Variants in STK10 observed in about 807,000 individuals in gnomAD.
The protein encoded by STK10 is serine/threonine kinase 10.
Under a neutral mutation model 113.8 loss-of-function variants are expected in STK10, and 78 were observed. That is an observed-to-expected ratio of 0.69 (90% CI 0.57 to 0.83). The LOEUF is 0.83. Ranked by LOEUF, STK10 falls within the 40% of genes least tolerant of loss-of-function variation. The pLI is 0.00. For missense variants in STK10, 1,109 were observed against 1,280.1 expected, an observed-to-expected ratio of 0.87 and a Z score of 2.04; for synonymous variants, 465 against 494.7, an observed-to-expected ratio of 0.94 and a Z score of 0.80.
rs114594377 is a variant in STK10 at position 172,120,102 on chromosome 5, G to A, written c.371-2472C>T. On this transcript the variant is annotated intron_variant, in intron 3 of 18. Coordinates refer to ENST00000176763, the MANE Select transcript of STK10 (RefSeq NM_005990.4). The surrounding 1 kb of genome is among the most constrained non-coding windows in gnomAD (Gnocchi z 4.0). ...CCAAGGTGACAGCCTTGTGCTCTGCGTCCCACAGGACTGTCCTGATTGAGT... is the reference window on the plus strand; with the variant it reads ...CCAAGGTGACAGCCTTGTGCTCTGCATCCCACAGGACTGTCCTGATTGAGT... Among the ~76,000 whole-genome samples the A allele has an allele frequency of 2.2e-3, 331 of 152,172 alleles. No homozygotes were observed. The highest frequency in any genetic ancestry group is 7.7e-3 in the African/African-American group (318 of 41,516).
chr5:172,125,044 A>C (rs1378623971), intron 3 of STK10, among the ~76,000 whole-genome samples: 1 of 152,170 alleles, frequency 6.6e-6, no homozygotes, highest in Admixed American at 6.6e-5. Flanking sequence ...TGACTCCCTG[A>C]AAGTGTATTA....
intron 1 of STK10, among the ~76,000 whole-genome samples, chr5:172,183,446 G>C (rs1031315966): frequency 1.4e-5 from 2 of 147,772 alleles, no homozygotes; most frequent in East Asian, 3.9e-4. Context: ...CATATAGCTT[G>C]TAAACTTTAC....
At position 172,187,177 on chromosome 5, in the gene STK10, A is replaced by G. The variant is rs1283923835; in HGVS notation, c.156+710T>C. On this transcript the variant is annotated intron_variant, in intron 1 of 18. Transcript: ENST00000176763. The surrounding 1 kb of genome is among the most constrained non-coding windows in gnomAD (Gnocchi z 4.6). ...CAATCAGCTCTGCCCCACCCACTCC[A>G]CAAAAGCTCTCTGCCGCGTCTTCCT... Among the ~76,000 whole-genome samples, 1 of 152,038 alleles carries G rather than the reference A, an allele frequency of 6.6e-6. No individual in the cohort carries two copies. Among genetic ancestry groups the G allele is most frequent in the Non-Finnish European group, 1.5e-5 (1 of 67,996 alleles).
chr5:172,152,281 A>G (rs1369780530), intron 2 of STK10, among the ~76,000 whole-genome samples: 7 of 152,230 alleles, frequency 4.6e-5, no homozygotes, highest in Admixed American at 2.0e-4. Context: ...TCAGGTGGAC[A>G]TATGTGCATT....
At chr5:172,110,138 C>T (rs758691494) in intron 4 of STK10, among the ~76,000 whole-genome samples, 3 of 152,152 alleles carry the variant, frequency 2.0e-5, no homozygotes, top group Non-Finnish European at 1.5e-5. Context: ...TGAGGACCCT[C>T]GGGGAATCCA....
Position 172,062,320 on chromosome 5 carries a change from C to T in STK10, c.2083-1052G>A, listed in dbSNP as rs144373005. ...TTTAGAAACCACGGAATTAGTAAAA[C>T]TCTCCACTCATCTTATCCCCCAGAG... On this transcript the variant is annotated intron_variant, in intron 13 of 18. Transcript: ENST00000176763. Among the ~76,000 whole-genome samples the T allele has an allele frequency of 4.0e-3, 616 of 152,184 alleles. 7 individuals carry two copies. Among genetic ancestry groups the T allele is most frequent in the African/African-American group, 0.014 (588 of 41,522 alleles).
Position 172,171,145 on chromosome 5 carries a change from T to G in STK10, c.157-14357A>C, listed in dbSNP as rs182439015. On this transcript the variant is annotated intron_variant, in intron 1 of 18. Coordinates refer to ENST00000176763, the MANE Select transcript of STK10 (RefSeq NM_005990.4). ...CCTTGTGGTGCTGAAGTAACATCTG[T>G]GCGTTAAAGACAATCTTAAAAATAT... Among the ~76,000 whole-genome samples, 7 of 152,294 alleles carry G rather than the reference T, an allele frequency of 4.6e-5. No homozygotes were observed. The East Asian group carries it at 1.3e-3, about 29-fold the overall frequency.
At chr5:172,146,014 C>T (rs1249650331) in intron 2 of STK10, among the ~76,000 whole-genome samples, 1 of 152,208 alleles carries the variant, frequency 6.6e-6, no homozygotes, top group Non-Finnish European at 1.5e-5. Flanking sequence ...ACACTGCGCA[C>T]ACACACACAC....
chr5:172,139,458 A>G (rs1581174426), intron 2 of STK10, among the ~76,000 whole-genome samples: 1 of 151,006 alleles, frequency 6.6e-6, no homozygotes, highest in South Asian at 2.1e-4. Context: ...GGAATTCAAG[A>G]CCAGCCTGGG....
chr5:172,180,490 T>C lies in STK10; in HGVS notation c.156+7397A>G, dbSNP rs1449445734. Among the ~76,000 whole-genome samples, 4 of 144,474 alleles carry C rather than the reference T, an allele frequency of 2.8e-5. No homozygotes were observed. In the East Asian group the frequency reaches 8.7e-4, roughly 31 times the overall value. The allele number at this position is 144,474 out of a possible 152,430, so 94.8% of individuals were successfully genotyped here. On this transcript the variant is annotated intron_variant, in intron 1 of 18. Coordinates refer to ENST00000176763, the MANE Select transcript of STK10 (RefSeq NM_005990.4). Reference sequence around the variant, plus strand: ...AAAAAAGAAAGTCTAGCCTAAAAGGTAAATTAAAATACAGCAACGGCCAGG... The same window carrying C: ...AAAAAAGAAAGTCTAGCCTAAAAGGCAAATTAAAATACAGCAACGGCCAGG...
intron 12 of STK10, among the ~76,000 whole-genome samples, chr5:172,078,487 C>G (rs968296243): frequency 2.0e-5 from 3 of 151,688 alleles, no homozygotes; most frequent in African/African-American, 7.3e-5. Context: ...GACCCCTATT[C>G]CTACAAAAAT....
At chr5:172,175,634 G>A (rs780151707) in intron 1 of STK10, among the ~76,000 whole-genome samples, 1 of 151,910 alleles carries the variant, frequency 6.6e-6, no homozygotes, top group Non-Finnish European at 1.5e-5. Context: ...ACCATCCATC[G>A]CCATCCAGCT....
intron 18 of STK10, among the ~76,000 whole-genome samples, chr5:172,048,414 T>TCTCCCTACACACACACACAC (rs1554114845): frequency 7.8e-6 from 1 of 128,394 alleles, no homozygotes; most frequent in Non-Finnish European, 1.6e-5. Context: ...TCCCTCTCCC[T>TCTCCCTACACACACACACAC]ACACACACAC....
rs2113746947 is a variant in STK10, at chr5:172,093,405, G to A, written c.1554+7C>T. ...CTGCAAGCCCGTGGTGGCAGAGGCG[G>A]TGTTACCTTGATGGACAGAGAGCCC... is the stretch of plus-strand genomic sequence containing the variant. On this transcript the variant is annotated splice_region_variant and intron_variant, in intron 9 of 18. Transcript: ENST00000176763. This position sits in a 1 kb window ranked among gnomAD's most constrained non-coding sequence, Gnocchi z 4.1. The A allele has an allele frequency of 6.3e-7, 1 of 1,582,376 alleles. No homozygotes were observed. Among genetic ancestry groups the A allele is most frequent in the Middle Eastern group, 1.7e-4 (1 of 5,928 alleles).
chr5:172,129,313 C>T (rs564703577), intron 2 of STK10, among the ~76,000 whole-genome samples: 9 of 152,292 alleles, frequency 5.9e-5, no homozygotes, highest in South Asian at 4.1e-4. Flanking sequence ...CTGTGTGCCA[C>T]GGCAGAGAGC....
At chr5:172,092,727 GT>G (rs1345946303) in intron 9 of STK10, 3 of 152,208 alleles carry the variant, frequency 2.0e-5, no homozygotes, top group Admixed American at 1.3e-4. Flanking sequence ...CCCATGGTGA[GT>G]TTAGTAACAC....
intron 7 of STK10, among the ~76,000 whole-genome samples, chr5:172,097,544 G>A (rs558538574): frequency 2.0e-5 from 3 of 152,196 alleles, no homozygotes; most frequent in African/African-American, 4.8e-5. Flanking sequence ...TTTACTCAGC[G>A]TCATGACTGT....
chr5:172,072,547 C>T (rs1768216063), intron 12 of STK10, among the ~76,000 whole-genome samples: 1 of 152,170 alleles, frequency 6.6e-6, no homozygotes, highest in Non-Finnish European at 1.5e-5. Context: ...GGATTACAGG[C>T]GTGAGCCACC....
Position 172,117,756 on chromosome 5 carries a change from T to G in STK10, c.371-126A>C, listed in dbSNP as rs113519345. 5.3e-6 allele frequency: 7 copies of G among 1,330,060 alleles called. No homozygotes were observed. The African/African-American group carries it at 7.4e-5, about 14-fold the overall frequency. The allele number at this position is 1,330,060 out of a possible 1,614,324, so 82.4% of individuals were successfully genotyped here. ...TAGGCCAGGCGTGGTGGCTCACGCC[T>G]GTAATCCCAGCACTTTGAGAGGCCG... On this transcript the variant is annotated intron_variant, in intron 3 of 18. Coordinates refer to ENST00000176763, the MANE Select transcript of STK10 (RefSeq NM_005990.4).
Sources: gnomAD v4.1 joint callset for allele counts (sites outside exome capture counted in the v4.1 genomes callset) on GRCh38, gnomAD v4.1.1 for gene constraint, Gnocchi (gnomAD v3.1) non-coding constraint, MANE v1.5 for transcripts, NCBI Gene and HGNC (gene_info 2026-07-23, HGNC 2026-07-21) for gene names.